Variants in MPPED2 observed in about 807,000 individuals in gnomAD.
The protein encoded by MPPED2 is metallophosphoesterase MPPED2.
Under a neutral mutation model 33.0 loss-of-function variants are expected in MPPED2, and 5 were observed. The ratio of observed to expected loss-of-function variants is 0.15; its 90% CI spans 0.08 to 0.32. MPPED2 has a LOEUF of 0.32. Among genes scored for constraint, MPPED2 ranks in the 10% least tolerant of loss-of-function variants. The pLI is 1.00. For synonymous variants in MPPED2, 136 were observed against 141.9 expected, an observed-to-expected ratio of 0.96 and a Z score of 0.29; for missense variants, 275 against 372.1, an observed-to-expected ratio of 0.74 and a Z score of 2.15.
At chr11:30,468,252 ACACACTCTCTCT>A (rs1406608291) in intron 4 of MPPED2, among the ~76,000 whole-genome samples, 15 of 107,738 alleles carry the variant, frequency 1.4e-4, no homozygotes, top group Admixed American at 4.0e-4. Flanking sequence ...ACACACACAC[ACACACTCTCTCT>A]CTCTCTCTCT....
At chr11:30,437,152 C>T (rs899844830) in intron 4 of MPPED2, among the ~76,000 whole-genome samples, 1 of 152,192 alleles carries the variant, frequency 6.6e-6, no homozygotes, top group Non-Finnish European at 1.5e-5. Flanking sequence ...ACCTCAGCAT[C>T]GCTGGGCTCA....
At chr11:30,558,286 C>A (rs1195032415) in intron 2 of MPPED2, among the ~76,000 whole-genome samples, 1 of 152,184 alleles carries the variant, frequency 6.6e-6, no homozygotes, top group African/African-American at 2.4e-5. Context: ...ATTCTGGGAT[C>A]ATCCTATATC....
intron 6 of MPPED2, among the ~76,000 whole-genome samples, chr11:30,391,788 T>C (rs1335509357): frequency 2.0e-5 from 3 of 152,302 alleles, no homozygotes; most frequent in Non-Finnish European, 4.4e-5. Flanking sequence ...AATTTAAAAA[T>C]GGAAAAATTC....
Position 30,411,295 on chromosome 11 carries a change from C to T in MPPED2, c.*173G>A. ...ATGTTCCTCTGATTTCAAATGGATG[C>T]CCCATTTAAAATAAAATAAAATAAG... is the stretch of plus-strand genomic sequence containing the variant. On this transcript the variant is annotated 3_prime_UTR_variant, in exon 7 of 7. Transcript: ENST00000358117. 3.2e-6 allele frequency: 4 copies of T among 1,250,560 alleles called. No individual in the cohort carries two copies. The highest frequency in any genetic ancestry group is 4.0e-6 in the Non-Finnish European group (4 of 990,962). 77.5% of individuals were successfully genotyped at this position (1,250,560 alleles called of 1,614,324 possible).
chr11:30,511,635 A>G (rs932722360), intron 3 of MPPED2, among the ~76,000 whole-genome samples: 3 of 152,214 alleles, frequency 2.0e-5, no homozygotes, highest in Non-Finnish European at 2.9e-5. Context: ...ACGTGCACAC[A>G]CACACACACC....
intron 3 of MPPED2, among the ~76,000 whole-genome samples, chr11:30,530,406 A>C (rs1954454164): frequency 6.6e-6 from 1 of 152,238 alleles, no homozygotes; most frequent in South Asian, 2.1e-4. Flanking sequence ...AGGCATACCA[A>C]GAGCACTCAT....
At chr11:30,436,848 T>G (rs1949348331) in intron 4 of MPPED2, among the ~76,000 whole-genome samples, 4 of 152,224 alleles carry the variant, frequency 2.6e-5, no homozygotes, top group Admixed American at 2.6e-4. Context: ...AATATACTTT[T>G]AGACTTTGAA....
intron 3 of MPPED2, among the ~76,000 whole-genome samples, chr11:30,523,624 T>TC (rs2134393415): frequency 3.0e-5 from 3 of 100,946 alleles, no homozygotes; most frequent in African/African-American, 8.5e-5. Context: ...AACACATCTT[T>TC]TTTTTTTTTT....
intron 3 of MPPED2, among the ~76,000 whole-genome samples, chr11:30,496,716 G>GT (rs1952277173): frequency 7.3e-6 from 1 of 136,976 alleles, no homozygotes; most frequent in Admixed American, 7.2e-5. Flanking sequence ...TGGGCGGGGG[G>GT]TGGGGGGAGG....
chr11:30,454,304 T>C (rs1950186572), intron 4 of MPPED2, among the ~76,000 whole-genome samples: 1 of 152,180 alleles, frequency 6.6e-6, no homozygotes, highest in South Asian at 2.1e-4. Flanking sequence ...TAAATGGCTG[T>C]CTAACATCCT....
intron 5 of MPPED2, 62 bp from the exon 6 acceptor site, chr11:30,414,403 C>T: frequency 3.7e-6 from 4 of 1,072,170 alleles, no homozygotes; most frequent in Non-Finnish European, 5.8e-6. Flanking sequence ...TTCATTTAGA[C>T]TTTCAGGAAG....
chr11:30,448,539 G>C (rs1949913528), intron 4 of MPPED2, among the ~76,000 whole-genome samples: 1 of 152,198 alleles, frequency 6.6e-6, no homozygotes. Context: ...TGCCATTCAG[G>C]AGGTTACTGC....
chr11:30,575,474 C>A (rs1385542336), intron 2 of MPPED2, among the ~76,000 whole-genome samples: 1 of 152,152 alleles, frequency 6.6e-6, no homozygotes. Flanking sequence ...CCATCATCAC[C>A]CAGCCACGCC....
intron 3 of MPPED2, among the ~76,000 whole-genome samples, 156 bp downstream of exon 3, chr11:30,535,838 T>C (rs1432426047): frequency 6.6e-6 from 1 of 152,138 alleles, no homozygotes; most frequent in Non-Finnish European, 1.5e-5. Flanking sequence ...AAATTCATCT[T>C]TAATTAACAG....
At chr11:30,463,944 G>A (rs1331333171) in intron 4 of MPPED2, among the ~76,000 whole-genome samples, 1 of 151,220 alleles carries the variant, frequency 6.6e-6, no homozygotes, top group African/African-American at 2.4e-5. Flanking sequence ...ATAGGTCAGG[G>A]AAGAGCTAGG....
At chr11:30,534,500 T>A (rs2134471447) in intron 3 of MPPED2, among the ~76,000 whole-genome samples, 1 of 152,322 alleles carries the variant, frequency 6.6e-6, no homozygotes, top group East Asian at 1.9e-4. Flanking sequence ...AAATAATATT[T>A]AAAATATCTT....
chr11:30,394,015 T>C (rs1318454415), intron 6 of MPPED2, among the ~76,000 whole-genome samples: 2 of 152,226 alleles, frequency 1.3e-5, no homozygotes, highest in Non-Finnish European at 2.9e-5. Flanking sequence ...CAGAATATCA[T>C]ACAAGTGGAA....
intron 3 of MPPED2, among the ~76,000 whole-genome samples, chr11:30,505,969 T>C (rs1290650272): frequency 1.3e-5 from 2 of 152,142 alleles, no homozygotes; most frequent in Non-Finnish European, 2.9e-5. Context: ...GTATGGGGAA[T>C]AAGTGAGAGC....
chr11:30,568,817 G>C (rs1590891849), intron 2 of MPPED2, among the ~76,000 whole-genome samples: 1 of 152,088 alleles, frequency 6.6e-6, no homozygotes, highest in African/African-American at 2.4e-5. Flanking sequence ...AATTGCAAAG[G>C]TTCTTTCAGT....
Sources: gnomAD v4.1 joint callset for allele counts (sites outside exome capture counted in the v4.1 genomes callset) on GRCh38, gnomAD v4.1.1 for gene constraint, MANE v1.5 for transcripts, NCBI Gene and HGNC (gene_info 2026-07-23, HGNC 2026-07-21) for gene names.